Variants in LINGO2 observed in about 807,000 individuals in gnomAD.
LINGO2 encodes leucine-rich repeat and immunoglobulin-like domain-containing nogo receptor-interacting protein 2.
In LINGO2, 14 loss-of-function variants were observed where a neutral mutation model predicts 30.6. The ratio of observed to expected loss-of-function variants is 0.46; its 90% CI spans 0.30 to 0.72. The LOEUF (loss-of-function observed/expected upper bound fraction) is 0.72, where lower values mean the gene tolerates loss of function less well. LINGO2 is among the 30% of genes least tolerant of loss of function. The pLI is 0.07. For missense variants in LINGO2, 729 were observed against 751.7 expected (o/e 0.97, Z 0.35); for synonymous variants, 317 against 288.5 (o/e 1.10, Z -1.00).
At chr9:28,451,350 C>A (rs1417559562) in intron 2 of LINGO2, among the ~76,000 whole-genome samples, 1 of 151,816 alleles carries the variant, frequency 6.6e-6, no homozygotes, top group Non-Finnish European at 1.5e-5. Flanking sequence ...TCTCACTTCT[C>A]AGGCTATAGT....
intron 4 of LINGO2, among the ~76,000 whole-genome samples, chr9:28,223,682 G>T (rs1821044502): frequency 6.6e-6 from 1 of 152,182 alleles, no homozygotes; most frequent in Non-Finnish European, 1.5e-5. Flanking sequence ...AACTATGATA[G>T]TGGTTATGGA....
the LINGO2 span, among the ~76,000 whole-genome samples, chr9:28,754,692 G>A: frequency 6.6e-6 from 1 of 150,574 alleles, no homozygotes; most frequent in African/African-American, 2.5e-5. Flanking sequence ...GTGCAGTAAT[G>A]TGATCTCAGC....
chr9:29,185,879 T>C, the LINGO2 span, among the ~76,000 whole-genome samples: 1 of 152,164 alleles, frequency 6.6e-6, no homozygotes, highest in Non-Finnish European at 1.5e-5. Flanking sequence ...GTAGCTGATA[T>C]TGCTGAAAGT....
At chr9:29,183,763 G>A in the LINGO2 span, among the ~76,000 whole-genome samples, 1 of 151,568 alleles carries the variant, frequency 6.6e-6, no homozygotes, top group Admixed American at 6.6e-5. Flanking sequence ...TAACAACAGA[G>A]AATAGCTGTT....
chr9:28,954,276 C>T, the LINGO2 span, among the ~76,000 whole-genome samples: 2 of 152,120 alleles, frequency 1.3e-5, no homozygotes, highest in Admixed American at 1.3e-4. Flanking sequence ...GAAAAAGTAG[C>T]TAGTTCAGTG....
intron 5 of LINGO2, among the ~76,000 whole-genome samples, chr9:27,961,882 C>A (rs1302803367): frequency 6.6e-6 from 1 of 152,008 alleles, no homozygotes; most frequent in Non-Finnish European, 1.5e-5. Context: ...AGAGGAGAAG[C>A]CAAGATTATT....
chr9:28,462,064 C>A (rs1825103057), intron 2 of LINGO2, among the ~76,000 whole-genome samples: 1 of 152,022 alleles, frequency 6.6e-6, no homozygotes, highest in Non-Finnish European at 1.5e-5. Context: ...AATGTTATGT[C>A]TTATCTCAAC....
intron 4 of LINGO2, among the ~76,000 whole-genome samples, chr9:28,021,170 A>G (rs1823101796): frequency 6.6e-6 from 1 of 152,050 alleles, no homozygotes; most frequent in Admixed American, 6.5e-5. Flanking sequence ...GATGCTACAA[A>G]ATATTTCTAA....
chr9:28,573,831 C>A (rs1823822800), intron 1 of LINGO2, among the ~76,000 whole-genome samples: 1 of 152,032 alleles, frequency 6.6e-6, no homozygotes, highest in Non-Finnish European at 1.5e-5. Context: ...GACTGCAAAT[C>A]TTTTAAACAC....
chr9:28,602,515 T>C (rs2135751317), intron 1 of LINGO2, among the ~76,000 whole-genome samples: 1 of 152,190 alleles, frequency 6.6e-6, no homozygotes, highest in East Asian at 1.9e-4. Flanking sequence ...TTTTTTCTAA[T>C]AGCTTATGCA....
chr9:29,139,828 A>T, the LINGO2 span, among the ~76,000 whole-genome samples: 3 of 152,098 alleles, frequency 2.0e-5, no homozygotes, highest in Non-Finnish European at 4.4e-5. Context: ...CTGCCCAAGG[A>T]AATAGTTTCT....
intron 5 of LINGO2, among the ~76,000 whole-genome samples, chr9:27,995,125 A>G (rs1821593804): frequency 6.6e-6 from 1 of 152,148 alleles, no homozygotes; most frequent in Admixed American, 6.6e-5. Context: ...TACACCAATA[A>G]ATTGAAAAAC....
At chr9:28,364,268 T>A (rs1445030384) in intron 3 of LINGO2, among the ~76,000 whole-genome samples, 1 of 152,220 alleles carries the variant, frequency 6.6e-6, no homozygotes, top group Non-Finnish European at 1.5e-5. Context: ...TTCAACATTC[T>A]TTTTTGCAAG....
chr9:28,945,636 T>C, the LINGO2 span, among the ~76,000 whole-genome samples: 1 of 152,154 alleles, frequency 6.6e-6, no homozygotes, highest in African/African-American at 2.4e-5. Context: ...AAAATGTAAA[T>C]TCTTAGGACT....
rs575618987 is a variant in LINGO2 at position 28,328,242 on chromosome 9, C to T, written c.-245-32876G>A. Among the ~76,000 whole-genome samples the T allele has an allele frequency of 1.5e-3, 235 of 152,120 alleles. 2 individuals are homozygous for T. The highest frequency in any genetic ancestry group is 1.2e-3 in the Non-Finnish European group (80 of 67,992). On this transcript the variant is annotated intron_variant, in intron 3 of 5. Coordinates refer to ENST00000379992, the Ensembl canonical transcript of LINGO2. ...AAGTTAGAAGGCAGCTGTTACTTGC[C>T]TTTTGATAAGTAGAGATGGGATATT...
intron 4 of LINGO2, among the ~76,000 whole-genome samples, chr9:28,266,903 G>A (rs1822770558): frequency 6.6e-6 from 1 of 151,916 alleles, no homozygotes; most frequent in Non-Finnish European, 1.5e-5. Context: ...GGACAATCGT[G>A]GACATCTGAA....
intron 4 of LINGO2, among the ~76,000 whole-genome samples, chr9:28,212,295 A>G (rs1046946763): frequency 6.6e-6 from 1 of 151,382 alleles, no homozygotes; most frequent in Non-Finnish European, 1.5e-5. Context: ...CATTAGTTTC[A>G]TTTACAGCAT....
rs1368918723 is a variant in LINGO2, at chr9:28,245,963, A to G, written c.-87+49245T>C. The stretch of plus-strand genomic sequence containing the variant: ...AAAACTACTTTAAATTTCATGTGGA[A>G]TCAAAGTAGAACCCATATAGCCAAG... On this transcript the variant is annotated intron_variant, in intron 4 of 5. Transcript: ENST00000379992. Among the ~76,000 whole-genome samples, 3 of 152,296 alleles carry G rather than the reference A, an allele frequency of 2.0e-5. No homozygotes were observed. The East Asian group carries it at 5.8e-4, about 29-fold the overall frequency.
intron 1 of LINGO2, among the ~76,000 whole-genome samples, chr9:28,668,748 A>G (rs1190907477): frequency 1.3e-5 from 2 of 152,126 alleles, no homozygotes; most frequent in Admixed American, 6.5e-5. Flanking sequence ...AAGCAATTAC[A>G]TTTCACTGTG....
Sources: gnomAD v4.1 joint callset for allele counts (sites outside exome capture counted in the v4.1 genomes callset) on GRCh38, gnomAD v4.1.1 for gene constraint, MANE v1.5 for transcripts, NCBI Gene and HGNC (gene_info 2026-07-23, HGNC 2026-07-21) for gene names.